The following APP variants were observed in gnomAD, a reference collection of about 807,000 sequenced individuals.
APP encodes amyloid beta precursor protein.
Under a neutral mutation model 101.4 loss-of-function variants are expected in APP, and 31 were observed. That is an observed-to-expected ratio of 0.31 (90% CI 0.23 to 0.41). The LOEUF is 0.41. Among genes scored for constraint, APP ranks in the 10% least tolerant of loss-of-function variants. The pLI is 1.00. For missense variants in APP, 839 were observed against 1,003.7 expected (o/e 0.84, Z 2.22); for synonymous variants, 366 against 364.4 (o/e 1.00, Z -0.05).
At chr21:26,137,192 T>TG (rs1258869776) in intron 1 of APP, among the ~76,000 whole-genome samples, 1 of 152,204 alleles carries the variant, frequency 6.6e-6, no homozygotes, top group Admixed American at 6.5e-5. Flanking sequence ...CCTCCCAAAG[T>TG]GCTGGGGTTA....
At chr21:25,893,405 A>G (rs1368443955) in intron 16 of APP, among the ~76,000 whole-genome samples, 1 of 152,230 alleles carries the variant, frequency 6.6e-6, no homozygotes, top group Non-Finnish European at 1.5e-5. Context: ...GGCAAGGCAT[A>G]TTGAAAGCCA....
intron 5 of APP, among the ~76,000 whole-genome samples, chr21:26,035,835 G>A (rs1210003194): frequency 6.6e-6 from 1 of 152,162 alleles, no homozygotes; most frequent in Non-Finnish European, 1.5e-5. Flanking sequence ...ATTAGTGCTG[G>A]AAAAGATGGA....
chr21:26,146,005 G>A (rs1194392995), intron 1 of APP, among the ~76,000 whole-genome samples: 4 of 152,106 alleles, frequency 2.6e-5, no homozygotes, highest in Non-Finnish European at 4.4e-5. Flanking sequence ...GAACTAATTA[G>A]TTTCTAGAAT....
intron 3 of APP, among the ~76,000 whole-genome samples, chr21:26,079,618 A>C (rs1197968038): frequency 6.6e-6 from 1 of 152,234 alleles, no homozygotes; most frequent in Non-Finnish European, 1.5e-5. Context: ...TGGCATTTTT[A>C]AACTATGACA....
At position 26,032,794 on chromosome 21, in the gene APP, G is replaced by GAAA. The variant is rs67118069; in HGVS notation, c.663-10755_663-10753dup. On this transcript the variant is annotated intron_variant, in intron 5 of 17. Transcript: ENST00000346798. ...GTTTTTCTTGGGGCTTATTATTTTA[G>GAAA]AAAAAAAAAAAATATATATATATAT... 2.0e-3 allele frequency among the ~76,000 whole-genome samples: 269 copies of GAAA among 137,698 alleles called. 1 individual carries two copies. Among genetic ancestry groups the GAAA allele is most frequent in the African/African-American group, 6.5e-3 (252 of 38,902 alleles). 90.3% of individuals were successfully genotyped at this position (137,698 alleles called of 152,430 possible).
intron 16 of APP, among the ~76,000 whole-genome samples, chr21:25,896,617 T>C (rs979988012): frequency 6.6e-6 from 1 of 152,196 alleles, no homozygotes; most frequent in Non-Finnish European, 1.5e-5. Flanking sequence ...TTATCTCCAT[T>C]TCTAAGCTTT....
intron 16 of APP, among the ~76,000 whole-genome samples, 161 bp downstream of exon 16, chr21:25,897,412 C>T (rs1275480359): frequency 1.3e-5 from 2 of 152,232 alleles, no homozygotes; most frequent in East Asian, 1.9e-4. Context: ...CTGCGCTCAG[C>T]CTAGCCTATT....
intron 17 of APP, among the ~76,000 whole-genome samples, chr21:25,888,796 G>C (rs913235669): frequency 6.6e-6 from 1 of 152,188 alleles, no homozygotes; most frequent in African/African-American, 2.4e-5. Context: ...TTTAATTCAG[G>C]CAGCTGGAAG....
At chr21:25,908,892 G>C (rs2038921646) in intron 14 of APP, among the ~76,000 whole-genome samples, 1 of 152,110 alleles carries the variant, frequency 6.6e-6, no homozygotes, top group Non-Finnish European at 1.5e-5. Context: ...TTTAAACTCG[G>C]GTCTGTATCA....
intron 8 of APP, among the ~76,000 whole-genome samples, chr21:25,990,910 G>A (rs1294186387): frequency 2.0e-5 from 3 of 152,094 alleles, no homozygotes; most frequent in Admixed American, 1.3e-4. Context: ...GCAAAGATAC[G>A]GAACCAACCT....
chr21:25,970,482 G>A (rs1273629734), intron 11 of APP, among the ~76,000 whole-genome samples: 1 of 152,000 alleles, frequency 6.6e-6, no homozygotes, highest in African/African-American at 2.4e-5. Context: ...TCCTTCTCTG[G>A]CAAATGATCA....
intron 11 of APP, among the ~76,000 whole-genome samples, 179 bp from the exon 12 acceptor site, chr21:25,955,934 A>C (rs1325980809): frequency 6.6e-6 from 1 of 152,144 alleles, no homozygotes; most frequent in African/African-American, 2.4e-5. Flanking sequence ...GTAATTACTT[A>C]GATCGGCTGC....
intron 13 of APP, chr21:25,945,990 C>A: frequency 2.3e-6 from 1 of 443,286 alleles, no homozygotes; most frequent in South Asian, 1.6e-5. Flanking sequence ...CAAGAATAGT[C>A]TTTTTCAACA....
At chr21:25,917,559 C>G (rs117922572) in intron 13 of APP, among the ~76,000 whole-genome samples, 2 of 152,116 alleles carry the variant, frequency 1.3e-5, no homozygotes, top group Non-Finnish European at 2.9e-5. Flanking sequence ...AAGAATTTAA[C>G]GGTCACATCT....
chr21:25,949,648 TG>T (rs1419107309), intron 13 of APP, among the ~76,000 whole-genome samples: 1 of 152,176 alleles, frequency 6.6e-6, no homozygotes, highest in Non-Finnish European at 1.5e-5. Context: ...GGGTCCTTGC[TG>T]GATCTTGAGG....
At chr21:26,128,269 T>C (rs2062724551) in intron 1 of APP, among the ~76,000 whole-genome samples, 1 of 152,216 alleles carries the variant, frequency 6.6e-6, no homozygotes, top group Non-Finnish European at 1.5e-5. Context: ...ATATTTTAAC[T>C]CATGCAGTTT....
At chr21:26,008,033 A>G (rs2043614284) in intron 6 of APP, among the ~76,000 whole-genome samples, 1 of 147,430 alleles carries the variant, frequency 6.8e-6, no homozygotes, top group Admixed American at 6.9e-5. Flanking sequence ...ACAGCTGTGC[A>G]TGCTAATGAA....
intron 6 of APP, chr21:26,009,985 G>A (rs941000379): frequency 3.2e-5 from 5 of 157,434 alleles, no homozygotes; most frequent in Non-Finnish European, 7.1e-5. Context: ...AATGCCTCTA[G>A]ATGTAGGTCA....
rs768921158 is a variant in APP, at chr21:26,090,042, C to T, written c.256G>A (p.Val86Ile). 19 of 1,614,140 alleles carry T rather than the reference C, an allele frequency of 1.2e-5. No homozygotes were observed. Among genetic ancestry groups the T allele is most frequent in the Non-Finnish European group, 1.6e-5 (19 of 1,180,020 alleles). Residue 86 changes from valine (V) to isoleucine (I), a missense_variant, in exon 3 of 18, where the codon GTA (valine) becomes ATA (isoleucine). Coordinates refer to ENST00000346798, the MANE Select transcript of APP (RefSeq NM_000484.4). ...VYPELQITNV[V>I]EANQPVTIQN... is the part of the protein sequence containing the mutation. ...ATGGTCACTGGTTGGTTGGCTTCTA[C>T]CACATTGGTGATCTGCAGTTCAGGG...
Sources: gnomAD v4.1 joint callset for allele counts (sites outside exome capture counted in the v4.1 genomes callset) on GRCh38, gnomAD v4.1.1 for gene constraint, MANE v1.5 for transcripts, NCBI Gene and HGNC (gene_info 2026-07-23, HGNC 2026-07-21) for gene names.